The following TAFA2 variants were observed in gnomAD, a reference collection of about 807,000 sequenced individuals.
TAFA2 encodes the protein chemokine-like protein TAFA-2.
Under a neutral mutation model 18.8 loss-of-function variants are expected in TAFA2, and 7 were observed. The ratio of observed to expected loss-of-function variants is 0.37; its 90% CI spans 0.21 to 0.70. The LOEUF (loss-of-function observed/expected upper bound fraction) is 0.70. Ranked by LOEUF, TAFA2 falls within the 30% of genes least tolerant of loss-of-function variation. TAFA2 has a pLI of 0.53. For synonymous variants in TAFA2, 60 were observed against 54.2 expected (o/e 1.11, Z -0.47); for missense variants, 122 against 158.1 (o/e 0.77, Z 1.23).
At chr12:61,880,161 G>A in intron 1 of TAFA2, 2 of 559,574 alleles carry the variant, frequency 3.6e-6, no homozygotes, top group Admixed American at 2.4e-5. Context: ...AAGGCTGACA[G>A]CATGTACCAG....
rs900207728 is a variant in TAFA2, at chr12:61,820,554, G to GAAAGGAAGGAAAA, written c.106+46753_106+46765dup. The stretch of plus-strand genomic sequence containing the variant: ...GGAGGAGAAAGAAAGGAAGGAGAAA[G>GAAAGGAAGGAAAA]AAAGGAAGGAAAAAAAGGAAGGAAG... On this transcript the variant is annotated intron_variant, in intron 2 of 4. Transcript: ENST00000416284. Among the ~76,000 whole-genome samples, 11 of 150,458 alleles carry GAAAGGAAGGAAAA rather than the reference G, an allele frequency of 7.3e-5. 1 individual carries two copies. The highest frequency in any genetic ancestry group is 2.0e-4 in the African/African-American group (8 of 40,940).
chr12:62,046,635 T>G (rs796327083), intron 1 of TAFA2, among the ~76,000 whole-genome samples: 13 of 152,160 alleles, frequency 8.5e-5, no homozygotes, highest in African/African-American at 2.9e-4. Flanking sequence ...ACTCTACAGA[T>G]TTCAGTAAAT....
chr12:62,214,083 G>A (rs922891895), intron 1 of TAFA2, among the ~76,000 whole-genome samples: 3 of 152,156 alleles, frequency 2.0e-5, no homozygotes, highest in Non-Finnish European at 2.9e-5. Flanking sequence ...AAACCATTAA[G>A]ATGCACCAGG....
Position 61,708,402 on chromosome 12 carries a change from A to G in TAFA2, c.*2004T>C, listed in dbSNP as rs553662335. The G allele has an allele frequency of 1.3e-5, 2 of 152,232 alleles. No individual in the cohort carries two copies. Among genetic ancestry groups the G allele is most frequent in the South Asian group, 4.1e-4 (2 of 4,830 alleles). The allele number at this position is 152,232 out of a possible 1,614,324, so 9.4% of individuals were successfully genotyped here. A position where few individuals can be genotyped will look rare whatever the true frequency, so the allele number is the denominator to read the frequency against. On this transcript the variant is annotated 3_prime_UTR_variant, in exon 5 of 5. Transcript: ENST00000416284. ...TTATATGCATGTATTACACTTGTATATAATACAGAGTTTCCAGTGTTGATT... is the reference window on the plus strand; with the variant it reads ...TTATATGCATGTATTACACTTGTATGTAATACAGAGTTTCCAGTGTTGATT...
At chr12:61,773,667 C>T (rs1211800822) in intron 2 of TAFA2, among the ~76,000 whole-genome samples, 1 of 151,890 alleles carries the variant, frequency 6.6e-6, no homozygotes, top group Non-Finnish European at 1.5e-5. Flanking sequence ...TAGAATGAAA[C>T]TGGATCCTCA....
Position 61,755,030 on chromosome 12 carries a change from C to T in TAFA2, c.107-6G>A, listed in dbSNP as rs777846442. The T allele has an allele frequency of 6.2e-7, 1 of 1,610,432 alleles. No individual in the cohort carries two copies. The highest frequency in any genetic ancestry group is 8.5e-7 in the Non-Finnish European group (1 of 1,178,552). On this transcript the variant is annotated splice_region_variant and splice_polypyrimidine_tract_variant and intron_variant, in intron 2 of 4. Coordinates refer to ENST00000416284, the MANE Select transcript of TAFA2 (RefSeq NM_178539.5). Reference sequence around the variant, plus strand: ...TCCCGTTTTAACATGGTGAGCTGCACAAACAAAAAAGATAAGACAACATTG... The same window carrying T: ...TCCCGTTTTAACATGGTGAGCTGCATAAACAAAAAAGATAAGACAACATTG...
chr12:61,753,778 T>A (rs1345139700), intron 3 of TAFA2, 32 bp from the exon 4 acceptor site: 1 of 1,582,376 alleles, frequency 6.3e-7, no homozygotes, highest in Admixed American at 1.8e-5. Flanking sequence ...GACTCAACAT[T>A]TTTTTCTTGG....
intron 1 of TAFA2, among the ~76,000 whole-genome samples, chr12:61,992,493 C>G (rs931789661): frequency 6.6e-6 from 1 of 152,096 alleles, no homozygotes; most frequent in East Asian, 1.9e-4. Context: ...AACATCCCTG[C>G]TTCTGCCCTG....
intron 1 of TAFA2, among the ~76,000 whole-genome samples, chr12:62,157,523 G>A (rs2062378823): frequency 1.3e-5 from 2 of 152,106 alleles, no homozygotes; most frequent in Non-Finnish European, 2.9e-5. Flanking sequence ...AGCTCACCAC[G>A]GCTGATGAAC....
intron 3 of TAFA2, 76 bp from the exon 4 acceptor site, chr12:61,753,822 C>T: frequency 7.5e-7 from 1 of 1,335,826 alleles, no homozygotes; most frequent in Non-Finnish European, 1.0e-6. Flanking sequence ...TAAAGAGGAA[C>T]AAAAGCCACT....
chr12:61,883,681 T>C (rs1240135602), intron 1 of TAFA2, among the ~76,000 whole-genome samples: 1 of 152,186 alleles, frequency 6.6e-6, no homozygotes, highest in Non-Finnish European at 1.5e-5. Flanking sequence ...GGTGACTTCA[T>C]GAAATTTTGA....
At chr12:61,754,286 T>C (rs7979124) in intron 3 of TAFA2, among the ~76,000 whole-genome samples, 1 of 151,666 alleles carries the variant, frequency 6.6e-6, no homozygotes, top group Non-Finnish European at 1.5e-5. Context: ...CAATATATTA[T>C]AGTAATATGA....
At chr12:62,168,186 C>T (rs139186592) in intron 1 of TAFA2, among the ~76,000 whole-genome samples, 15 of 152,050 alleles carry the variant, frequency 9.9e-5, no homozygotes, top group Middle Eastern at 3.4e-3. Context: ...GATAGTCTCA[C>T]CAATAAATAA....
chr12:62,238,792 G>A (rs2062849235), intron 1 of TAFA2, among the ~76,000 whole-genome samples: 1 of 152,144 alleles, frequency 6.6e-6, no homozygotes, highest in African/African-American at 2.4e-5. Flanking sequence ...GTATTTACAA[G>A]TTATCAGCAG....
chr12:62,059,819 A>G (rs2136786258), intron 1 of TAFA2, among the ~76,000 whole-genome samples: 1 of 152,224 alleles, frequency 6.6e-6, no homozygotes, highest in South Asian at 2.1e-4. Context: ...TAGATGTTCT[A>G]TTCATTTTTC....
chr12:62,020,762 T>C (rs1881101805), intron 1 of TAFA2, among the ~76,000 whole-genome samples: 1 of 151,968 alleles, frequency 6.6e-6, no homozygotes, highest in Admixed American at 6.6e-5. Flanking sequence ...ATGTACTGAT[T>C]GAGCACCATT....
At chr12:61,952,273 T>C (rs1421430006) in intron 1 of TAFA2, among the ~76,000 whole-genome samples, 1 of 152,182 alleles carries the variant, frequency 6.6e-6, no homozygotes, top group Non-Finnish European at 1.5e-5. Flanking sequence ...TTCAGTGTTT[T>C]CTTTAATTAT....
intron 2 of TAFA2, among the ~76,000 whole-genome samples, chr12:61,763,411 A>G (rs1168600002): frequency 2.0e-5 from 3 of 152,028 alleles, no homozygotes; most frequent in Admixed American, 6.6e-5. Context: ...GCGACAAAAC[A>G]AAGGGAGATT....
intron 1 of TAFA2, among the ~76,000 whole-genome samples, chr12:61,889,286 T>G (rs541464677): frequency 8.5e-5 from 13 of 152,322 alleles, no homozygotes; most frequent in African/African-American, 2.9e-4. Flanking sequence ...TATTGAGTAT[T>G]GCAGTCAAGA....
Sources: gnomAD v4.1 joint callset for allele counts (sites outside exome capture counted in the v4.1 genomes callset) on GRCh38, gnomAD v4.1.1 for gene constraint, MANE v1.5 for transcripts, NCBI Gene and HGNC (gene_info 2026-07-23, HGNC 2026-07-21) for gene names.